Variants in ADGRL3 observed in about 807,000 individuals in gnomAD.
ADGRL3 encodes the protein adhesion G protein-coupled receptor L3.
In ADGRL3, 62 loss-of-function variants were observed where a neutral mutation model predicts 153.5. The ratio of observed to expected loss-of-function variants is 0.40; its 90% confidence interval spans 0.33 to 0.50. The LOEUF (loss-of-function observed/expected upper bound fraction) is 0.50. Ranked by LOEUF, ADGRL3 falls within the 20% of genes least tolerant of loss-of-function variation. ADGRL3 has a pLI of 0.47. For synonymous variants in ADGRL3, 710 were observed against 672.5 expected, an observed-to-expected ratio of 1.06 and a Z score of -0.86; for missense variants, 1,641 against 1,859.4, an observed-to-expected ratio of 0.88 and a Z score of 2.16.
chr4:62,061,940 G>C (rs1740431962), intron 25 of ADGRL3, among the ~76,000 whole-genome samples: 1 of 151,988 alleles, frequency 6.6e-6, no homozygotes, highest in Non-Finnish European at 1.5e-5. Context: ...ACAGGTTTTT[G>C]TGTGAATGTA....
intron 2 of ADGRL3, among the ~76,000 whole-genome samples, chr4:61,449,139 A>T (rs2097642274): frequency 6.6e-6 from 1 of 151,510 alleles, no homozygotes; most frequent in Non-Finnish European, 1.5e-5. Flanking sequence ...TAATTTAATT[A>T]ATTAATTTAT....
chr4:61,798,998 A>AGTATAT, intron 8 of ADGRL3, among the ~76,000 whole-genome samples: 1 of 66,224 alleles, frequency 1.5e-5, no homozygotes, highest in Non-Finnish European at 2.9e-5. Context: ...ATATATAAAC[A>AGTATAT]GTATATATAT....
chr4:61,912,229 T>G (rs917641059), intron 12 of ADGRL3, among the ~76,000 whole-genome samples: 3 of 152,144 alleles, frequency 2.0e-5, no homozygotes, highest in Non-Finnish European at 4.4e-5. Flanking sequence ...TCCTGATAAA[T>G]AGAAGTTTTT....
chr4:61,329,056 C>T (rs985560811), intron 1 of ADGRL3, among the ~76,000 whole-genome samples: 10 of 152,112 alleles, frequency 6.6e-5, no homozygotes, highest in Non-Finnish European at 1.3e-4. Context: ...GAATTAGTTG[C>T]TCAACAAAAA....
chr4:61,251,970 G>A (rs1010954753), intron 1 of ADGRL3, among the ~76,000 whole-genome samples: 4 of 150,590 alleles, frequency 2.7e-5, no homozygotes, highest in East Asian at 2.0e-4. Flanking sequence ...TGCAACCTCC[G>A]CCTCCCAGGT....
At position 61,200,357 on chromosome 4, in the gene ADGRL3, CTACCCCGCGCGCAGGCTGCACG is replaced by C. The variant is rs1358442462; in HGVS notation, c.-1647_-1626del. Among the ~76,000 whole-genome samples the C allele has an allele frequency of 6.6e-6, 1 of 151,992 alleles. No homozygotes were observed. The highest frequency in any genetic ancestry group is 1.5e-5 in the Non-Finnish European group (1 of 67,994). On this transcript the variant is annotated 5_prime_UTR_variant, in exon 1 of 27. Coordinates refer to ENST00000683033, the MANE Select transcript of ADGRL3 (RefSeq NM_001387552.1). ...GCCTCCGCTCCGGCCCCGGCTGCGC[CTACCCCGCGCGCAGGCTGCACG>C]GTCCCCGCGCGCCCGCGCTCTGACC...
chr4:61,252,844 A>C (rs1577985334), intron 1 of ADGRL3, among the ~76,000 whole-genome samples: 1 of 152,224 alleles, frequency 6.6e-6, no homozygotes, highest in East Asian at 1.9e-4. Flanking sequence ...TCTGCTATTT[A>C]ATTTTTATTT....
rs139762298 is a variant in ADGRL3 at position 61,536,703 on chromosome 4, A to T, written c.259+19185A>T. Among the ~76,000 whole-genome samples the T allele has an allele frequency of 2.3e-3, 351 of 152,114 alleles. 3 individuals carry two copies. Among genetic ancestry groups the T allele is most frequent in the African/African-American group, 7.9e-3 (329 of 41,534 alleles). On this transcript the variant is annotated intron_variant, in intron 4 of 26. Transcript: ENST00000683033. ...TCTTTTAATTGATACAAGAATAACC[A>T]TCCCTGCTCTTTTTTGTTTTCCATT...
intron 1 of ADGRL3, among the ~76,000 whole-genome samples, chr4:61,324,941 T>G (rs530879914): frequency 6.6e-6 from 1 of 152,196 alleles, no homozygotes; most frequent in Non-Finnish European, 1.5e-5. Context: ...AATTTTAAAT[T>G]ATTAAAGCAC....
At chr4:61,543,177 T>A (rs1476087572) in intron 4 of ADGRL3, among the ~76,000 whole-genome samples, 2 of 127,780 alleles carry the variant, frequency 1.6e-5, no homozygotes, top group South Asian at 5.6e-4. Context: ...AATATCCACA[T>A]TTGAATCCCT....
intron 5 of ADGRL3, among the ~76,000 whole-genome samples, chr4:61,624,264 T>C (rs1303119547): frequency 6.6e-6 from 1 of 151,886 alleles, no homozygotes; most frequent in African/African-American, 2.4e-5. Flanking sequence ...TGGGCCAGAG[T>C]AGATATTCAA....
chr4:61,303,500 C>T lies in ADGRL3; in HGVS notation c.-239-79624C>T, dbSNP rs970604067. ...ACTAACAAAAGTAATATTAAATGGC[C>T]TTTAAAAATGTTTTTACCTGAAACT... On this transcript the variant is annotated intron_variant, in intron 1 of 26. Transcript: ENST00000683033. Among the ~76,000 whole-genome samples the T allele has an allele frequency of 4.0e-5, 6 of 151,774 alleles. No homozygotes were observed. In the East Asian group the frequency reaches 1.2e-3, roughly 29 times the overall value.
intron 21 of ADGRL3, among the ~76,000 whole-genome samples, chr4:62,017,611 A>G (rs772165636): frequency 1.3e-4 from 20 of 152,080 alleles, no homozygotes; most frequent in African/African-American, 4.3e-4. Flanking sequence ...ATGTTAGTAT[A>G]ATGTATTGTT....
At chr4:62,044,997 T>A (rs972288167) in intron 25 of ADGRL3, among the ~76,000 whole-genome samples, 3 of 152,090 alleles carry the variant, frequency 2.0e-5, no homozygotes, top group Admixed American at 1.3e-4. Context: ...AATCACGTCT[T>A]AATATCTAAA....
At chr4:61,650,763 G>T (rs550054701) in intron 5 of ADGRL3, among the ~76,000 whole-genome samples, 1 of 151,976 alleles carries the variant, frequency 6.6e-6, no homozygotes, top group Non-Finnish European at 1.5e-5. Context: ...CAACTGCAAG[G>T]TTGTGATTAG....
chr4:61,939,918 T>C (rs939095297), intron 15 of ADGRL3, among the ~76,000 whole-genome samples: 5 of 145,604 alleles, frequency 3.4e-5, no homozygotes, highest in Admixed American at 1.4e-4. Flanking sequence ...GCATAGTATA[T>C]TCTATTTTTT....
chr4:61,251,626 A>G (rs1224154178), intron 1 of ADGRL3, among the ~76,000 whole-genome samples: 1 of 152,184 alleles, frequency 6.6e-6, no homozygotes, highest in African/African-American at 2.4e-5. Flanking sequence ...CAGTTTTTCT[A>G]TAAATTATTC....
chr4:62,042,971 C>G (rs1729164103), intron 24 of ADGRL3, among the ~76,000 whole-genome samples: 1 of 152,076 alleles, frequency 6.6e-6, no homozygotes. Context: ...TACTTACTCA[C>G]CTGAAATCAT....
chr4:61,844,650 C>G (rs1388865194), intron 9 of ADGRL3, among the ~76,000 whole-genome samples: 1 of 132,328 alleles, frequency 7.6e-6, no homozygotes, highest in East Asian at 2.2e-4. Context: ...AACGAATAAT[C>G]GTAATAACCT....
Sources: allele counts gnomAD v4.1 joint callset (sites outside exome capture counted in the v4.1 genomes callset), GRCh38; gene constraint gnomAD v4.1.1; transcripts MANE v1.5; gene names NCBI Gene and HGNC (gene_info 2026-07-23, HGNC 2026-07-21).